The following SLC5A11 variants were observed in gnomAD, a reference collection of about 807,000 sequenced individuals.
SLC5A11 encodes solute carrier family 5 member 11.
In SLC5A11, 48 loss-of-function variants were observed where a neutral mutation model predicts 69.8. The ratio of observed to expected loss-of-function variants is 0.69; its 90% CI spans 0.55 to 0.87. SLC5A11 has a LOEUF of 0.87. Ranked by LOEUF, SLC5A11 falls within the 40% of genes least tolerant of loss-of-function variation. The pLI is 0.00. For missense variants in SLC5A11, 784 were observed against 866.1 expected, an observed-to-expected ratio of 0.91 and a Z score of 1.19; for synonymous variants, 319 against 342.4, an observed-to-expected ratio of 0.93 and a Z score of 0.75.
chr16:24,848,940 G>A (rs1319391293), intron 1 of SLC5A11, among the ~76,000 whole-genome samples: 1 of 152,182 alleles, frequency 6.6e-6, no homozygotes, highest in African/African-American at 2.4e-5. Flanking sequence ...AAAATGTGTG[G>A]ATTTATTATG....
At chr16:24,861,278 C>T (rs1042746664) in intron 2 of SLC5A11, among the ~76,000 whole-genome samples, 3 of 151,894 alleles carry the variant, frequency 2.0e-5, no homozygotes, top group Non-Finnish European at 2.9e-5. Context: ...GAGCTCAGTT[C>T]GAGACCAGCC....
At chr16:24,857,537 A>G (rs1375643490) in intron 1 of SLC5A11, among the ~76,000 whole-genome samples, 1 of 152,204 alleles carries the variant, frequency 6.6e-6, no homozygotes, top group Non-Finnish European at 1.5e-5. Flanking sequence ...GCTAAGGAAG[A>G]ATCTATTAAT....
At chr16:24,895,565 G>C (rs1011221134) in intron 9 of SLC5A11, among the ~76,000 whole-genome samples, 1 of 147,522 alleles carries the variant, frequency 6.8e-6, no homozygotes, top group Admixed American at 6.9e-5. Flanking sequence ...GACAGGAGAG[G>C]GGAGGGGAAG....
chr16:24,888,485 T>C (rs1212724264), intron 8 of SLC5A11, among the ~76,000 whole-genome samples: 9 of 139,818 alleles, frequency 6.4e-5, no homozygotes, highest in East Asian at 2.0e-4. Context: ...TTTCTTTTTT[T>C]TTTTTTTTTT....
intron 1 of SLC5A11, among the ~76,000 whole-genome samples, chr16:24,851,687 A>G (rs987839815): frequency 6.6e-6 from 1 of 152,238 alleles, no homozygotes; most frequent in Admixed American, 6.5e-5. Context: ...CACATTACAC[A>G]TACAATGAAC....
intron 10 of SLC5A11, among the ~76,000 whole-genome samples, chr16:24,906,342 CAA>C (rs753153658): frequency 4.2e-4 from 32 of 75,976 alleles, no homozygotes; most frequent in Admixed American, 8.5e-4. Context: ...GGCTCCGTCT[CAA>C]AAAAAAAAAA....
At chr16:24,879,076 C>T (rs1438289293) in intron 7 of SLC5A11, among the ~76,000 whole-genome samples, 2 of 151,786 alleles carry the variant, frequency 1.3e-5, no homozygotes, top group Non-Finnish European at 2.9e-5. Context: ...TTATTATAAC[C>T]TGAGAAGTGC....
chr16:24,876,976 T>C (rs2047716245), intron 6 of SLC5A11: 3 of 773,732 alleles, frequency 3.9e-6, no homozygotes, highest in Non-Finnish European at 5.3e-6. Context: ...GTGATCATTA[T>C]GGTATTTAAT....
intron 15 of SLC5A11, 142 bp from the exon 17 acceptor site, chr16:24,911,186 A>AT: frequency 1.5e-6 from 1 of 677,190 alleles, no homozygotes; most frequent in Non-Finnish European, 2.5e-6. Context: ...AAAAAAAAAA[A>AT]GGGAGATTTC....
chr16:24,909,222 C>G, intron 14 of SLC5A11, 126 bp downstream of exon 15: 1 of 929,226 alleles, frequency 1.1e-6, no homozygotes. Flanking sequence ...GGTTGAGGTT[C>G]AGGGGCAGGA....
At chr16:24,910,475 G>T (rs1299530633) in exon 15 of SLC5A11, 1 of 1,613,896 alleles carries the variant, frequency 6.2e-7, no homozygotes, top group African/African-American at 1.3e-5. Flanking sequence ...AAAACCCACA[G>T]CTGTGAGTAG....
chr16:24,908,472 G>A lies in SLC5A11; in HGVS notation c.1434+341G>A, dbSNP rs532894688. 5.9e-5 allele frequency among the ~76,000 whole-genome samples: 9 copies of A among 151,542 alleles called. No individual in the cohort carries two copies. The South Asian group carries it at 6.3e-4, about 11-fold the overall frequency. ...AAATTAGCCGGGTGTGGTGGTGGGC[G>A]CCTGTAATCCCAGCTACTCAGATGC... is the stretch of plus-strand genomic sequence containing the variant. On this transcript the variant is annotated intron_variant, in intron 13 of 15. Transcript: ENST00000347898.
At chr16:24,854,988 G>A (rs939987468) in intron 1 of SLC5A11, among the ~76,000 whole-genome samples, 1 of 151,200 alleles carries the variant, frequency 6.6e-6, no homozygotes, top group Non-Finnish European at 1.5e-5. Flanking sequence ...TTTGTTTGTG[G>A]CAAGGTCTTG....
chr16:24,903,874 T>C (rs2049828375), intron 10 of SLC5A11, among the ~76,000 whole-genome samples: 1 of 152,224 alleles, frequency 6.6e-6, no homozygotes, highest in Non-Finnish European at 1.5e-5. Context: ...GGATATGTAT[T>C]AATCCATTTT....
chr16:24,866,864 A>T (rs1010581371), intron 3 of SLC5A11, among the ~76,000 whole-genome samples: 1 of 152,192 alleles, frequency 6.6e-6, no homozygotes, highest in African/African-American at 2.4e-5. Context: ...ACCTAACAAC[A>T]GACTCCCAAT....
rs140369052 is a variant in SLC5A11, at chr16:24,862,587, T to TC, written c.136-13dup. 190,034 of 1,602,174 alleles carry TC rather than the reference T, an allele frequency of 0.12. 11,657 individuals carry two copies. Among genetic ancestry groups the TC allele is most frequent in the South Asian group, 0.13 (11,996 of 89,822 alleles). On this transcript the variant is annotated splice_polypyrimidine_tract_variant and intron_variant, in intron 2 of 15. Coordinates refer to ENST00000347898, the Ensembl canonical transcript of SLC5A11. ...AACGTCTTCCCTCACCCACCTCTCT[T>TC]CTTTTTTTTTCAGTCCACAGTGAAG...
chr16:24,862,789 T>A (rs2046659873), intron 3 of SLC5A11, 117 bp downstream of exon 4: 1 of 804,224 alleles, frequency 1.2e-6, no homozygotes, highest in Non-Finnish European at 1.9e-6. Context: ...GAAGTCATTG[T>A]CTAAACTAGA....
chr16:24,866,257 T>A (rs976225751), intron 3 of SLC5A11, among the ~76,000 whole-genome samples: 1 of 151,600 alleles, frequency 6.6e-6, no homozygotes, highest in African/African-American at 2.4e-5. Context: ...ATTTTTTTTT[T>A]AATGTGATCC....
At chr16:24,848,125 G>A (rs995611235) in intron 1 of SLC5A11, among the ~76,000 whole-genome samples, 4 of 152,194 alleles carry the variant, frequency 2.6e-5, no homozygotes, top group African/African-American at 7.2e-5. Flanking sequence ...AGCATCCCAG[G>A]CAGAGGGAAC....
Sources: gnomAD v4.1 joint callset for allele counts (sites outside exome capture counted in the v4.1 genomes callset) on GRCh38, gnomAD v4.1.1 for gene constraint, MANE v1.5 for transcripts, NCBI Gene and HGNC (gene_info 2026-07-23, HGNC 2026-07-21) for gene names.